Variants in CHRM3 observed in about 807,000 individuals in gnomAD.
CHRM3 encodes muscarinic acetylcholine receptor M3.
A neutral mutation model predicts 41.8 loss-of-function variants in CHRM3; 11 were observed. The ratio of observed to expected loss-of-function variants is 0.26; its 90% CI spans 0.17 to 0.44. The LOEUF (loss-of-function observed/expected upper bound fraction) is 0.44, where lower values mean the gene tolerates loss of function less well. CHRM3 is among the 20% of genes least tolerant of loss of function. The pLI is 1.00. For missense variants in CHRM3, 571 were observed against 745.4 expected (o/e 0.77, Z 2.72); for synonymous variants, 297 against 301.4 (o/e 0.99, Z 0.15).
chr1:239,600,605 G>A (rs916166716), intron 3 of CHRM3, among the ~76,000 whole-genome samples: 3 of 151,968 alleles, frequency 2.0e-5, no homozygotes, highest in African/African-American at 7.2e-5. Flanking sequence ...TTGAGAAATA[G>A]GAATTGACTC....
intron 1 of CHRM3, among the ~76,000 whole-genome samples, chr1:239,469,846 C>T (rs562331676): frequency 2.7e-4 from 41 of 152,194 alleles, no homozygotes; most frequent in Admixed American, 1.8e-3. Flanking sequence ...CATGAGCCAC[C>T]GCACTCTGAC....
intron 1 of CHRM3, among the ~76,000 whole-genome samples, chr1:239,467,849 G>A (rs543038113): frequency 4.6e-5 from 7 of 151,928 alleles, no homozygotes; most frequent in African/African-American, 1.4e-4. Flanking sequence ...TGTATTTCCC[G>A]AGTGTCATCC....
intron 5 of CHRM3, among the ~76,000 whole-genome samples, chr1:239,681,318 T>C (rs1658540487): frequency 6.6e-6 from 1 of 152,172 alleles, no homozygotes; most frequent in African/African-American, 2.4e-5. Flanking sequence ...TAAGAAAGTT[T>C]TCTTCAGAAA....
intron 6 of CHRM3, among the ~76,000 whole-genome samples, chr1:239,871,210 T>G (rs1445027854): frequency 6.6e-6 from 1 of 152,162 alleles, no homozygotes; most frequent in Non-Finnish European, 1.5e-5. Flanking sequence ...CTATATCCTG[T>G]GTATAGGGTA....
chr1:239,641,096 G>T (rs972071276), intron 4 of CHRM3, among the ~76,000 whole-genome samples: 5 of 152,192 alleles, frequency 3.3e-5, no homozygotes, highest in African/African-American at 1.2e-4. Flanking sequence ...TCTTAATCCT[G>T]ACTTCTAGTT....
chr1:239,836,621 T>C (rs1673340160), intron 6 of CHRM3, among the ~76,000 whole-genome samples: 1 of 152,252 alleles, frequency 6.6e-6, no homozygotes, highest in Non-Finnish European at 1.5e-5. Context: ...CTCTTAGGAC[T>C]CCTAGACCAC....
chr1:239,797,233 A>G (rs1669852589), intron 5 of CHRM3, among the ~76,000 whole-genome samples: 2 of 152,156 alleles, frequency 1.3e-5, no homozygotes, highest in Admixed American at 1.3e-4. Flanking sequence ...AAGGGCTAAA[A>G]CATTACCTAC....
At chr1:239,458,740 C>A (rs16838356) in intron 1 of CHRM3, among the ~76,000 whole-genome samples, 2,767 of 152,192 alleles carry the variant, frequency 0.018, 89 homozygotes, top group African/African-American at 0.063. Context: ...TTTTAACCTG[C>A]ATTAGTTTTC....
intron 5 of CHRM3, among the ~76,000 whole-genome samples, chr1:239,734,508 T>C (rs927866912): frequency 1.3e-5 from 2 of 152,126 alleles, no homozygotes; most frequent in Non-Finnish European, 2.9e-5. Context: ...TTCTGAAAAC[T>C]GTCAAATAAA....
chr1:239,418,697 T>TTC (rs1447775481), intron 1 of CHRM3, among the ~76,000 whole-genome samples: 2 of 152,204 alleles, frequency 1.3e-5, no homozygotes, highest in African/African-American at 4.8e-5. Flanking sequence ...AACTAAACAT[T>TTC]TCAATGCATT....
Position 239,908,499 on chromosome 1 carries a change from G to A in CHRM3, c.1048G>A (p.Ala350Thr), listed in dbSNP as rs904318488. Residue 350 changes from alanine to threonine, a missense_variant, in exon 7 of 7, where the codon GCC (alanine) becomes ACC (threonine). Around this residue, in one of 5 missense-constraint regions of CHRM3, gnomAD observed 239 missense variants for 239.6 expected, o/e 1.00. Transcript: ENST00000676153. The surrounding 1 kb of genome is among the most constrained non-coding windows in gnomAD (Gnocchi z 7.2). ...TGCTGCTGCCTCCCTGGAGAACTCC[G>A]CCTCCTCCGACGAGGAGGACATTGG... ...NDAAASLENS[A>T]SSDEEDIGSE... 5.6e-6 allele frequency: 9 copies of A among 1,603,960 alleles called. No homozygotes were observed. The highest frequency in any genetic ancestry group is 2.2e-5 in the East Asian group (1 of 44,562).
chr1:239,727,042 C>A (rs1418231814), intron 5 of CHRM3, among the ~76,000 whole-genome samples: 1 of 151,724 alleles, frequency 6.6e-6, no homozygotes, highest in East Asian at 1.9e-4. Context: ...AGCTCTAAGC[C>A]ACAATTTTCT....
intron 5 of CHRM3, among the ~76,000 whole-genome samples, chr1:239,754,048 G>A (rs1189983664): frequency 6.6e-6 from 1 of 152,084 alleles, no homozygotes; most frequent in Non-Finnish European, 1.5e-5. Context: ...ATTGTGCTTA[G>A]CATTGTGATT....
chr1:239,526,721 T>C (rs1469866919), intron 2 of CHRM3, among the ~76,000 whole-genome samples: 1 of 152,216 alleles, frequency 6.6e-6, no homozygotes, highest in Non-Finnish European at 1.5e-5. Flanking sequence ...CTTTCTTACA[T>C]CTTATTTTCC....
intron 3 of CHRM3, among the ~76,000 whole-genome samples, chr1:239,549,565 G>A (rs1659617775): frequency 6.6e-6 from 1 of 151,000 alleles, no homozygotes; most frequent in African/African-American, 2.4e-5. Context: ...GGAGGCTGAG[G>A]CATGAGAATC....
chr1:239,792,502 C>T (rs1051150650), intron 5 of CHRM3, among the ~76,000 whole-genome samples: 1 of 152,166 alleles, frequency 6.6e-6, no homozygotes, highest in Non-Finnish European at 1.5e-5. Flanking sequence ...TCAAAACAAA[C>T]CCTGAGCAAC....
At chr1:239,590,178 G>A (rs985820728) in intron 3 of CHRM3, among the ~76,000 whole-genome samples, 1 of 152,016 alleles carries the variant, frequency 6.6e-6, no homozygotes, top group African/African-American at 2.4e-5. Flanking sequence ...GATTTGCTCT[G>A]GGAATCCCTA....
intron 5 of CHRM3, among the ~76,000 whole-genome samples, chr1:239,747,214 C>G (rs1665444236): frequency 6.6e-6 from 1 of 152,026 alleles, no homozygotes; most frequent in South Asian, 2.1e-4. Context: ...GTATTATTTT[C>G]TTATCAATGG....
At chr1:239,572,876 T>C (rs1269699438) in intron 3 of CHRM3, among the ~76,000 whole-genome samples, 1 of 152,242 alleles carries the variant, frequency 6.6e-6, no homozygotes, top group East Asian at 1.9e-4. Flanking sequence ...AGAACTTTTA[T>C]ACTTTACATG....
Sources: allele counts gnomAD v4.1 joint callset (sites outside exome capture counted in the v4.1 genomes callset), GRCh38; gene constraint gnomAD v4.1.1; regional missense constraint gnomAD v4.1.1; non-coding constraint Gnocchi (gnomAD v3.1); transcripts MANE v1.5; gene names NCBI Gene and HGNC (gene_info 2026-07-23, HGNC 2026-07-21).